GRID2: variants seen among roughly 807,000 people sequenced by gnomAD.
GRID2 encodes the protein glutamate ionotropic receptor delta type subunit 2.
Under a neutral mutation model 114.8 loss-of-function variants are expected in GRID2, and 33 were observed. That is an observed-to-expected ratio of 0.29 (90% CI 0.22 to 0.38). The LOEUF is 0.38. GRID2 is among the 10% of genes least tolerant of loss of function. GRID2 has a pLI of 1.00. For missense variants in GRID2, 1,184 were observed against 1,257.7 expected (o/e 0.94, Z 0.89); for synonymous variants, 505 against 449.9 (o/e 1.12, Z -1.55).
chr4:93,268,780 G>A (rs192146984), intron 8 of GRID2, among the ~76,000 whole-genome samples: 6 of 149,766 alleles, frequency 4.0e-5, no homozygotes, highest in Middle Eastern at 3.4e-3. Context: ...ATCTTGTCTC[G>A]AAAAATATAA....
chr4:92,678,081 A>G (rs1260750079), intron 2 of GRID2, among the ~76,000 whole-genome samples: 2 of 150,470 alleles, frequency 1.3e-5, no homozygotes, highest in South Asian at 4.2e-4. Context: ...TTGCCCTCAA[A>G]TATGAGTTTC....
At chr4:92,613,654 A>G (rs373997275) in intron 2 of GRID2, among the ~76,000 whole-genome samples, 6 of 151,384 alleles carry the variant, frequency 4.0e-5, no homozygotes, top group Admixed American at 1.3e-4. Flanking sequence ...GAATTTGTCT[A>G]TTTTATCTGC....
intron 1 of GRID2, among the ~76,000 whole-genome samples, chr4:93,795,727 G>A (rs914385126): frequency 2.6e-5 from 4 of 152,078 alleles, no homozygotes; most frequent in African/African-American, 9.7e-5. Flanking sequence ...TAATCCCAAC[G>A]TTATTTACAC....
At chr4:92,453,642 C>A (rs1472959909) in intron 1 of GRID2, among the ~76,000 whole-genome samples, 3 of 152,010 alleles carry the variant, frequency 2.0e-5, no homozygotes, top group African/African-American at 2.4e-5. Context: ...TATTAGAGGA[C>A]ATAAAAAGAT....
At chr4:93,042,996 T>G (rs948868088) in intron 2 of GRID2, among the ~76,000 whole-genome samples, 6 of 151,708 alleles carry the variant, frequency 4.0e-5, no homozygotes, top group Non-Finnish European at 8.8e-5. Context: ...TTTAGAGGAG[T>G]GAAAAAAGAA....
intron 1 of GRID2, among the ~76,000 whole-genome samples, chr4:93,798,077 T>G (rs980290361): frequency 1.3e-5 from 2 of 151,832 alleles, no homozygotes; most frequent in Non-Finnish European, 2.9e-5. Context: ...TGCTTGAACT[T>G]GAGAGGCAGA....
At chr4:92,721,549 G>A (rs1735809392) in intron 2 of GRID2, among the ~76,000 whole-genome samples, 1 of 152,002 alleles carries the variant, frequency 6.6e-6, no homozygotes, top group African/African-American at 2.4e-5. Context: ...TCATAAGATA[G>A]CAAGAGAAAA....
chr4:93,459,397 T>C (rs906794472), intron 11 of GRID2, among the ~76,000 whole-genome samples: 5 of 152,068 alleles, frequency 3.3e-5, no homozygotes, highest in African/African-American at 1.2e-4. Context: ...TAAGATTTGG[T>C]GAAGGACTTC....
intron 3 of GRID2, among the ~76,000 whole-genome samples, chr4:93,086,870 T>C (rs1730367357): frequency 6.6e-6 from 1 of 152,174 alleles, no homozygotes; most frequent in Admixed American, 6.5e-5. Context: ...AGATTATTTG[T>C]GGCCTTTATA....
intron 2 of GRID2, among the ~76,000 whole-genome samples, chr4:92,931,360 C>T (rs1173600785): frequency 2.0e-5 from 3 of 150,852 alleles, no homozygotes; most frequent in African/African-American, 7.3e-5. Flanking sequence ...GAAAACCTTA[C>T]AGCTAGCTAA....
Position 93,593,049 on chromosome 4 carries a change from C to A in GRID2, c.2194-33220C>A, listed in dbSNP as rs1180870134. 2.6e-5 allele frequency among the ~76,000 whole-genome samples: 4 copies of A among 151,862 alleles called. No individual in the cohort carries two copies. The East Asian group carries it at 7.8e-4, about 30-fold the overall frequency. Reference sequence around the variant, plus strand: ...GTGTCTTTTAATTGGAGAATTTAGTCCATTTACATTTAAAGTTAATAGTGT... The same window carrying A: ...GTGTCTTTTAATTGGAGAATTTAGTACATTTACATTTAAAGTTAATAGTGT... On this transcript the variant is annotated intron_variant, in intron 13 of 15. Coordinates refer to ENST00000282020, the MANE Select transcript of GRID2 (RefSeq NM_001510.4).
At chr4:93,551,317 T>G (rs1289722327) in intron 13 of GRID2, among the ~76,000 whole-genome samples, 1 of 152,058 alleles carries the variant, frequency 6.6e-6, no homozygotes, top group Admixed American at 6.6e-5. Flanking sequence ...AGGTTAGATA[T>G]GTAGGTGTAA....
At chr4:93,216,334 T>A (rs1744211992) in intron 5 of GRID2, among the ~76,000 whole-genome samples, 1 of 152,016 alleles carries the variant, frequency 6.6e-6, no homozygotes, top group South Asian at 2.1e-4. Flanking sequence ...AACTCTTACA[T>A]GGCAATTACC....
intron 1 of GRID2, among the ~76,000 whole-genome samples, chr4:92,460,234 C>T (rs1721432318): frequency 6.6e-6 from 1 of 151,104 alleles, no homozygotes; most frequent in Admixed American, 6.6e-5. Context: ...ATTGAGAAGG[C>T]AAATACTGTG....
chr4:93,778,743 T>C (rs1259078617), downstream of GRID2, among the ~76,000 whole-genome samples: 1 of 152,178 alleles, frequency 6.6e-6, no homozygotes, highest in Admixed American at 6.5e-5. Flanking sequence ...ACTGAATAAT[T>C]AACATGCTCA....
chr4:92,593,031 C>T (rs1370373905), intron 2 of GRID2, among the ~76,000 whole-genome samples: 2 of 151,922 alleles, frequency 1.3e-5, no homozygotes, highest in Non-Finnish European at 2.9e-5. Context: ...GGACTAACAT[C>T]ACCTTGTCTG....
At chr4:93,277,302 C>T (rs954599759) in intron 8 of GRID2, among the ~76,000 whole-genome samples, 1 of 151,786 alleles carries the variant, frequency 6.6e-6, no homozygotes, top group Non-Finnish European at 1.5e-5. Flanking sequence ...TAAGCAGGGA[C>T]CTGACACTGG....
intron 2 of GRID2, among the ~76,000 whole-genome samples, chr4:93,038,331 A>G (rs974885432): frequency 2.0e-5 from 3 of 152,142 alleles, no homozygotes; most frequent in Admixed American, 2.0e-4. Flanking sequence ...AAACAACCCC[A>G]TCAAAAAGTG....
In GRID2 at chr4:93,613,549, A is replaced by C. The variant is rs2149668658; in HGVS notation, c.2194-12720A>C. Among the ~76,000 whole-genome samples, 3 of 77,914 alleles carry C rather than the reference A, an allele frequency of 3.9e-5. 1 individual carries two copies. Among genetic ancestry groups the C allele is most frequent in the African/African-American group, 1.5e-4 (3 of 19,952 alleles). 51.1% of individuals were successfully genotyped at this position (77,914 alleles called of 152,430 possible). A position where few individuals can be genotyped will look rare whatever the true frequency, so the allele number is the denominator to read the frequency against. On this transcript the variant is annotated intron_variant, in intron 13 of 15. Transcript: ENST00000282020. ...TCTAACAGACAGGACCCTCAGCTGC[A>C]GGTCTGTTGGAATACCCTGCCGTGT... is the stretch of plus-strand genomic sequence containing the variant.
Sources: allele counts gnomAD v4.1 joint callset (sites outside exome capture counted in the v4.1 genomes callset), GRCh38; gene constraint gnomAD v4.1.1; transcripts MANE v1.5; gene names NCBI Gene and HGNC (gene_info 2026-07-23, HGNC 2026-07-21).